PIGK: variants seen among roughly 807,000 people sequenced by gnomAD.
PIGK encodes GPI-anchor transamidase.
In PIGK, 42 loss-of-function variants were observed where a neutral mutation model predicts 50.6. The observed-to-expected ratio is 0.83, with a 90% CI of 0.65 to 1.07. The LOEUF (loss-of-function observed/expected upper bound fraction) is 1.07. Among genes scored for constraint, PIGK ranks in the 50% least tolerant of loss-of-function variants. The pLI, the probability that PIGK is intolerant of heterozygous loss-of-function variation, is 0.00. For missense variants in PIGK, 448 were observed against 488.7 expected (o/e 0.92, Z 0.78); for synonymous variants, 151 against 156.0 (o/e 0.97, Z 0.24).
At chr1:77,105,252 G>A (rs1653641191) in intron 10 of PIGK, among the ~76,000 whole-genome samples, 1 of 140,768 alleles carries the variant, frequency 7.1e-6, no homozygotes, top group South Asian at 2.2e-4. Context: ...TACCAACTGA[G>A]TCTGGGGTCT....
chr1:77,169,280 C>T lies in PIGK; in HGVS notation c.355G>A (p.Val119Met). The change falls in exon 4 of 11, where the codon GTG (valine) becomes ATG (methionine). Residue 119 changes from valine to methionine, a missense_variant. Transcript: ENST00000370812. ...ELNVYGDDVE[V>M]DYRSYEVTVE... ...TTTACCTCGTAACTTCTATAATCCA[C>T]TTCCACATCATCTCCATACACATTT... 1 of 1,571,854 alleles carries T rather than the reference C, an allele frequency of 6.4e-7. No individual in the cohort carries two copies.
chr1:77,129,052 C>T (rs1294047355), intron 9 of PIGK: 5 of 793,672 alleles, frequency 6.3e-6, no homozygotes, highest in Non-Finnish European at 9.2e-6. Context: ...CTATGACCTA[C>T]AAATGCTTTA....
rs151201905 is a variant in PIGK at position 77,183,517 on chromosome 1, G to C, written c.240-14122C>G. 2.4e-3 allele frequency among the ~76,000 whole-genome samples: 363 copies of C among 152,292 alleles called. 2 individuals carry two copies. The highest frequency in any genetic ancestry group is 8.1e-3 in the African/African-American group (338 of 41,558). The stretch of plus-strand genomic sequence containing the variant: ...GGCAGGCCCCTACAGGTGAGGTTCA[G>C]AGTGTGACCCATGAGGAGGTGCACT... On this transcript the variant is annotated intron_variant, in intron 3 of 10. Coordinates refer to ENST00000370812, the MANE Select transcript of PIGK (RefSeq NM_005482.3).
chr1:77,180,972 T>TA (rs1299031625), intron 3 of PIGK, among the ~76,000 whole-genome samples: 1 of 152,164 alleles, frequency 6.6e-6, no homozygotes, highest in African/African-American at 2.4e-5. Flanking sequence ...CTTTCCTAGA[T>TA]AAAAACAAAG....
At chr1:77,119,374 A>C (rs2100526483) in intron 10 of PIGK, among the ~76,000 whole-genome samples, 2 of 152,314 alleles carry the variant, frequency 1.3e-5, no homozygotes, top group Admixed American at 1.3e-4. Flanking sequence ...ATTATTTTAT[A>C]GTTCTCTTCA....
intron 10 of PIGK, among the ~76,000 whole-genome samples, chr1:77,118,293 A>G (rs947068023): frequency 1.3e-5 from 2 of 151,310 alleles, no homozygotes; most frequent in Non-Finnish European, 2.9e-5. Context: ...GCTGGAGTAC[A>G]GTGGCGTGAT....
At position 77,204,279 on chromosome 1, in the gene PIGK, G is replaced by A. The variant is rs190233148; in HGVS notation, c.239+2361C>T. 9.6e-4 allele frequency among the ~76,000 whole-genome samples: 146 copies of A among 152,240 alleles called. 2 individuals are homozygous for A. In the South Asian group the frequency reaches 0.02, roughly 21 times the overall value. ...AGGGATGAAATAAGCCCAGTCTCCT[G>A]TAGCGCTCCCAGGCCTATTAGGATT... is the stretch of plus-strand genomic sequence containing the variant. On this transcript the variant is annotated intron_variant, in intron 3 of 10. Transcript: ENST00000370812.
chr1:77,216,764 A>G (rs543451377), intron 1 of PIGK, among the ~76,000 whole-genome samples: 13 of 152,286 alleles, frequency 8.5e-5, no homozygotes, highest in African/African-American at 2.9e-4. Flanking sequence ...TTTAGGTCCT[A>G]TCTCGCAACT....
rs1172318831 is a variant in PIGK at position 77,206,575 on chromosome 1, A to G, written c.239+65T>C. Reference sequence around the variant, plus strand: ...CAAAAGTAACACAAAATACAAATATAATAACAATTATCTAAGGGTTATTTT... The same window carrying G: ...CAAAAGTAACACAAAATACAAATATGATAACAATTATCTAAGGGTTATTTT... On this transcript the variant is annotated intron_variant, in intron 3 of 10. Transcript: ENST00000370812. 4.5e-6 allele frequency: 4 copies of G among 883,548 alleles called. No individual in the cohort carries two copies. In the African/African-American group the frequency reaches 6.8e-5, roughly 15 times the overall value. The allele number at this position is 883,548 out of a possible 1,614,324, so 54.7% of individuals were successfully genotyped here.
At chr1:77,193,426 A>G (rs1655959272) in intron 3 of PIGK, among the ~76,000 whole-genome samples, 1 of 152,150 alleles carries the variant, frequency 6.6e-6, no homozygotes, top group Non-Finnish European at 1.5e-5. Flanking sequence ...CCATAAATAC[A>G]GTTTTCAGGG....
At chr1:77,197,407 C>G (rs1003517326) in intron 3 of PIGK, among the ~76,000 whole-genome samples, 1 of 152,122 alleles carries the variant, frequency 6.6e-6, no homozygotes, top group East Asian at 1.9e-4. Context: ...AATTGTCTTA[C>G]GTAATAATAG....
At chr1:77,099,504 A>G (rs907378771) in intron 10 of PIGK, among the ~76,000 whole-genome samples, 2 of 152,184 alleles carry the variant, frequency 1.3e-5, no homozygotes, top group African/African-American at 4.8e-5. Flanking sequence ...ACACTGCAGC[A>G]ACACTGTTTA....
chr1:77,208,064 A>C (rs958444826), intron 2 of PIGK, among the ~76,000 whole-genome samples: 4 of 152,062 alleles, frequency 2.6e-5, no homozygotes, highest in Non-Finnish European at 5.9e-5. Context: ...CTCTACAAAA[A>C]AAAATGTAAA....
At chr1:77,218,173 T>C (rs575330527) in intron 1 of PIGK, among the ~76,000 whole-genome samples, 1 of 152,172 alleles carries the variant, frequency 6.6e-6, no homozygotes, top group Non-Finnish European at 1.5e-5. Flanking sequence ...TATGGAACAC[T>C]GGAAAAGTAG....
At chr1:77,209,076 G>A (rs533164749) in intron 2 of PIGK, among the ~76,000 whole-genome samples, 9 of 152,150 alleles carry the variant, frequency 5.9e-5, no homozygotes, top group African/African-American at 1.9e-4. Flanking sequence ...TTGAGATGCT[G>A]TACATTCTCT....
intron 9 of PIGK, among the ~76,000 whole-genome samples, chr1:77,129,991 T>C (rs2100534350): frequency 6.6e-6 from 1 of 151,958 alleles, no homozygotes; most frequent in East Asian, 1.9e-4. Flanking sequence ...ATTTCCCTTC[T>C]AAAATCACCT....
chr1:77,105,980 T>A (rs1219787501), intron 10 of PIGK, among the ~76,000 whole-genome samples: 1 of 152,150 alleles, frequency 6.6e-6, no homozygotes, highest in African/African-American at 2.4e-5. Context: ...AAACTAAAAA[T>A]CTTAATCTTG....
intron 3 of PIGK, among the ~76,000 whole-genome samples, chr1:77,172,131 C>A (rs1326442907): frequency 6.8e-6 from 1 of 146,188 alleles, no homozygotes; most frequent in Non-Finnish European, 1.5e-5. Flanking sequence ...ACTAAAACGG[C>A]CTGATAAGGA....
At chr1:77,140,899 A>T (rs908597067) in intron 9 of PIGK, among the ~76,000 whole-genome samples, 2 of 152,180 alleles carry the variant, frequency 1.3e-5, no homozygotes, top group Admixed American at 1.3e-4. Context: ...ATGCATAGCA[A>T]TTACAGTAGT....
Sources: allele counts gnomAD v4.1 joint callset (sites outside exome capture counted in the v4.1 genomes callset), GRCh38; gene constraint gnomAD v4.1.1; transcripts MANE v1.5; gene names NCBI Gene and HGNC (gene_info 2026-07-23, HGNC 2026-07-21).